The following HERC3 variants were observed in gnomAD, a reference collection of about 807,000 sequenced individuals.
HERC3 encodes the protein probable E3 ubiquitin-protein ligase HERC3.
Under a neutral mutation model 129.9 loss-of-function variants are expected in HERC3, and 58 were observed. That is an observed-to-expected ratio of 0.45 (90% CI 0.36 to 0.56). The LOEUF (loss-of-function observed/expected upper bound fraction) is 0.56, where lower values mean the gene tolerates loss of function less well. Ranked by LOEUF, HERC3 falls within the 20% of genes least tolerant of loss-of-function variation. HERC3 has a pLI of 0.00. For missense variants in HERC3, 835 were observed against 1,244.2 expected, an observed-to-expected ratio of 0.67 and a Z score of 4.95; for synonymous variants, 430 against 451.0, an observed-to-expected ratio of 0.95 and a Z score of 0.59.
chr4:88,553,407 G>A, the HERC3 span, among the ~76,000 whole-genome samples: 1 of 152,150 alleles, frequency 6.6e-6, no homozygotes, highest in African/African-American at 2.4e-5. Context: ...CAACAGAGTT[G>A]TTGAAACAGA....
the HERC3 span, among the ~76,000 whole-genome samples, chr4:88,532,392 C>G: frequency 1.3e-5 from 2 of 152,112 alleles, no homozygotes; most frequent in African/African-American, 4.8e-5. Context: ...GCTCTAGAAC[C>G]CAGCACCAGT....
intron 19 of HERC3, among the ~76,000 whole-genome samples, chr4:88,678,830 A>C (rs966011000): frequency 1.3e-5 from 2 of 152,218 alleles, no homozygotes; most frequent in African/African-American, 4.8e-5. Flanking sequence ...CCCTTTCCAA[A>C]ATTCCTAATA....
rs34857474 is a variant in HERC3 at position 88,701,803 on chromosome 4, A to ATT, written c.2658-2279_2658-2278dup. On this transcript the variant is annotated intron_variant, in intron 23 of 25. Coordinates refer to ENST00000402738, the MANE Select transcript of HERC3 (RefSeq NM_014606.3). ...ATAATAAACATGTATGTTAAAACAG[A>ATT]TTTTTTTTTTTTTTTTTGAGATAGG... Among the ~76,000 whole-genome samples the ATT allele has an allele frequency of 1.4e-3, 202 of 140,350 alleles. 2 individuals carry two copies. Among genetic ancestry groups the ATT allele is most frequent in the South Asian group, 8.9e-3 (39 of 4,384 alleles). The allele number at this position is 140,350 out of a possible 152,430, so 92.1% of individuals were successfully genotyped here.
intron 3 of HERC3, among the ~76,000 whole-genome samples, chr4:88,611,429 A>AC (rs1724310984): frequency 6.6e-6 from 1 of 152,064 alleles, no homozygotes; most frequent in Admixed American, 6.5e-5. Flanking sequence ...CAGGAATGCT[A>AC]CCCCCAAGTA....
At chr4:88,531,017 G>A in the HERC3 span, among the ~76,000 whole-genome samples, 1 of 151,666 alleles carries the variant, frequency 6.6e-6, no homozygotes, top group African/African-American at 2.4e-5. Flanking sequence ...CATCACGCCT[G>A]GCTAATTTTT....
intron 4 of HERC3, among the ~76,000 whole-genome samples, chr4:88,650,323 A>G (rs1187977187): frequency 2.0e-5 from 3 of 152,224 alleles, no homozygotes; most frequent in Non-Finnish European, 4.4e-5. Flanking sequence ...TCAACTGAAA[A>G]TTGCAAGTCT....
chr4:88,677,015 A>G (rs970154065), intron 18 of HERC3, among the ~76,000 whole-genome samples: 1 of 152,080 alleles, frequency 6.6e-6, no homozygotes, highest in African/African-American at 2.4e-5. Flanking sequence ...CCCACCTGTA[A>G]TCTCAGCTAC....
At chr4:88,678,752 T>C (rs572113192) in intron 19 of HERC3, among the ~76,000 whole-genome samples, 3 of 152,332 alleles carry the variant, frequency 2.0e-5, no homozygotes, top group Non-Finnish European at 2.9e-5. Context: ...TTGCTAATCT[T>C]GTTATGAGTT....
intron 3 of HERC3, among the ~76,000 whole-genome samples, chr4:88,640,933 T>C (rs1394305196): frequency 2.0e-5 from 3 of 152,182 alleles, no homozygotes; most frequent in Non-Finnish European, 4.4e-5. Context: ...ATCAAGAATA[T>C]AGAAGTTCAC....
At chr4:88,567,363 GA>G in the HERC3 span, among the ~76,000 whole-genome samples, 3 of 152,194 alleles carry the variant, frequency 2.0e-5, no homozygotes, top group African/African-American at 7.2e-5. Context: ...TTAGCCCTTT[GA>G]ATAAACCTTT....
chr4:88,704,591 AAAG>A lies in HERC3; in HGVS notation c.2935_2937del (p.Lys979del), dbSNP rs1212307728. On this transcript the variant is annotated inframe_deletion, in exon 25 of 26. Coordinates refer to ENST00000402738, the MANE Select transcript of HERC3 (RefSeq NM_014606.3). ...AAACATTTCATGAGTTTCCATTGGA[AAAG>A]AAGAAGAAGTTTCTCTGTAAGTATC... 42 of 1,595,270 alleles carry A rather than the reference AAAG, an allele frequency of 2.6e-5. No homozygotes were observed. The highest frequency in any genetic ancestry group is 3.5e-5 in the Non-Finnish European group (41 of 1,163,012).
chr4:88,596,849 T>C (rs1722451518), intron 2 of HERC3, among the ~76,000 whole-genome samples: 1 of 152,246 alleles, frequency 6.6e-6, no homozygotes, highest in Non-Finnish European at 1.5e-5. Context: ...GATTTGCTTT[T>C]CTTCATAGCT....
Position 88,607,273 on chromosome 4 carries a change from G to T in HERC3, c.226+1224G>T, listed in dbSNP as rs530834741. Among the ~76,000 whole-genome samples, 4 of 152,154 alleles carry T rather than the reference G, an allele frequency of 2.6e-5. No individual in the cohort carries two copies. The South Asian group carries it at 8.3e-4, about 32-fold the overall frequency. On this transcript the variant is annotated intron_variant, in intron 3 of 25. Transcript: ENST00000402738. Reference sequence around the variant, plus strand: ...TTGCACACCTGATACCCAGTGATGTGAATATAAAGGTGCAATACTTGTTCA... The same window carrying T: ...TTGCACACCTGATACCCAGTGATGTTAATATAAAGGTGCAATACTTGTTCA...
intron 3 of HERC3, among the ~76,000 whole-genome samples, chr4:88,619,392 T>C (rs1228969514): frequency 1.3e-5 from 2 of 152,214 alleles, no homozygotes; most frequent in South Asian, 2.1e-4. Flanking sequence ...AAATGATGCT[T>C]TACTTAATAA....
intron 18 of HERC3, among the ~76,000 whole-genome samples, chr4:88,677,246 A>G (rs1264027940): frequency 6.6e-6 from 1 of 152,236 alleles, no homozygotes; most frequent in Non-Finnish European, 1.5e-5. Flanking sequence ...GACATAGAGA[A>G]TTAAATGGAA....
At chr4:88,568,730 G>T in the HERC3 span, among the ~76,000 whole-genome samples, 1 of 151,856 alleles carries the variant, frequency 6.6e-6, no homozygotes, top group Non-Finnish European at 1.5e-5. Context: ...TTGTCTTTTG[G>T]CCCAGAGTGT....
the HERC3 span, among the ~76,000 whole-genome samples, chr4:88,539,078 G>A: frequency 2.6e-5 from 4 of 152,118 alleles, no homozygotes; most frequent in Admixed American, 6.6e-5. Context: ...TTGGGCAGTG[G>A]GTGCAACACA....
intron 23 of HERC3, among the ~76,000 whole-genome samples, chr4:88,703,897 G>A (rs535434286): frequency 3.3e-5 from 5 of 152,264 alleles, no homozygotes; most frequent in Admixed American, 3.3e-4. Flanking sequence ...GATCACCTGA[G>A]GCACTTGGTG....
chr4:88,656,988 A>G (rs1193225957), intron 9 of HERC3: 2 of 152,096 alleles, frequency 1.3e-5, no homozygotes, highest in East Asian at 3.9e-4. Context: ...ATTTCTTTTT[A>G]AGCCATTTTT....
Sources: allele counts gnomAD v4.1 joint callset (sites outside exome capture counted in the v4.1 genomes callset), GRCh38; gene constraint gnomAD v4.1.1; transcripts MANE v1.5; gene names NCBI Gene and HGNC (gene_info 2026-07-23, HGNC 2026-07-21).